The following DARS1 variants were observed in gnomAD, a reference collection of about 807,000 sequenced individuals.
The protein encoded by DARS1 is aspartyl-tRNA synthetase 1.
Under a neutral mutation model 68.8 loss-of-function variants are expected in DARS1, and 51 were observed. The ratio of observed to expected loss-of-function variants is 0.74; its 90% confidence interval spans 0.59 to 0.94. The LOEUF is 0.94. Among genes scored for constraint, DARS1 ranks in the 40% least tolerant of loss-of-function variants. The pLI, the probability that DARS1 is intolerant of heterozygous loss-of-function variation, is 0.00. For synonymous variants in DARS1, 203 were observed against 190.4 expected, an observed-to-expected ratio of 1.07 and a Z score of -0.55; for missense variants, 607 against 597.3, an observed-to-expected ratio of 1.02 and a Z score of -0.17.
rs2104792671 is a variant in DARS1, at chr2:135,911,422, A to C, written c.1302T>G (p.Asp434Glu). 5.7e-6 allele frequency: 6 copies of C among 1,059,236 alleles called. No individual in the cohort carries two copies. Among genetic ancestry groups the C allele is most frequent in the Non-Finnish European group, 8.9e-6 (6 of 672,428 alleles). 65.6% of individuals were successfully genotyped at this position (1,059,236 alleles called of 1,614,324 possible). Residue 434 changes from aspartate to glutamate, a missense_variant, in exon 14 of 16, where the codon GAT (aspartate) becomes GAG (glutamate). Asp to Glu is a conservative substitution (Grantham distance 45, BLOSUM62 2). Coordinates refer to ENST00000264161, the MANE Select transcript of DARS1 (RefSeq NM_001349.4). The part of the protein sequence containing the change: ...EILSGAQRIH[D>E]PQLLTERALH... The stretch of plus-strand genomic sequence containing the variant: ...AAGCTCTCTCTGTTAGCAGTTGAGG[A>C]TCATGTATTCTTTGAGCTCCTGACA...
chr2:135,955,238 C>G (rs1681946364), intron 4 of DARS1, among the ~76,000 whole-genome samples: 1 of 150,558 alleles, frequency 6.6e-6, no homozygotes, highest in African/African-American at 2.4e-5. Context: ...TCAACAAAAA[C>G]TACTAAAATT....
At chr2:135,931,215 T>G (rs183462248) in intron 7 of DARS1, among the ~76,000 whole-genome samples, 152 of 152,256 alleles carry the variant, frequency 1.0e-3, no homozygotes, top group African/African-American at 1.9e-3. Context: ...AAAGAGCTAG[T>G]TGGGGACTAA....
intron 2 of DARS1, among the ~76,000 whole-genome samples, chr2:135,982,249 T>A (rs531911635): frequency 6.6e-6 from 1 of 152,160 alleles, no homozygotes; most frequent in East Asian, 1.9e-4. Flanking sequence ...CAAACATTTA[T>A]AAATAAAAAA....
intron 3 of DARS1, 81 bp downstream of exon 3, chr2:135,979,193 T>C: frequency 1.3e-6 from 1 of 752,616 alleles, no homozygotes; most frequent in Non-Finnish European, 2.3e-6. Context: ...TTTAAAGATT[T>C]ACTTTGGTCT....
intron 12 of DARS1, 145 bp from the exon 13 acceptor site, chr2:135,912,711 G>A (rs1680922131): frequency 7.0e-6 from 3 of 430,212 alleles, no homozygotes; most frequent in African/African-American, 4.1e-5. Context: ...GCTTTTTTCA[G>A]TAACATTTTT....
chr2:135,964,651 G>C (rs1335382009), intron 3 of DARS1, among the ~76,000 whole-genome samples: 3 of 152,006 alleles, frequency 2.0e-5, no homozygotes, highest in Non-Finnish European at 1.5e-5. Context: ...GACTAGGTTG[G>C]CCAACGTGGT....
At chr2:135,911,593 T>C in intron 13 of DARS1, 100 bp from the exon 14 acceptor site, 1 of 654,852 alleles carries the variant, frequency 1.5e-6, no homozygotes, top group Non-Finnish European at 2.7e-6. Context: ...AAGTTCATTT[T>C]TTCCTACAAT....
chr2:135,907,514 T>TAACA, intron 15 of DARS1, 107 bp from the exon 16 acceptor site: 1 of 701,170 alleles, frequency 1.4e-6, no homozygotes, highest in Non-Finnish European at 2.3e-6. Flanking sequence ...TTTTCCTTGT[T>TAACA]AGGAAAGAAA....
rs2278681 is a variant in DARS1 at position 135,985,369 on chromosome 2, T to C, written c.66+34A>G. On this transcript the variant is annotated intron_variant, in intron 1 of 15. Transcript: ENST00000264161. ...CTCGGCGCAGCCCGGCCCAGGGGTCTGTCCTCCCAGGCCCAGGAAAGGAGG... is the reference window on the plus strand; with the variant it reads ...CTCGGCGCAGCCCGGCCCAGGGGTCCGTCCTCCCAGGCCCAGGAAAGGAGG... 0.026 allele frequency: 42,355 copies of C among 1,609,920 alleles called. 2,003 individuals are homozygous for C. Among genetic ancestry groups the C allele is most frequent in the South Asian group, 0.14 (12,307 of 90,664 alleles).
intron 5 of DARS1, among the ~76,000 whole-genome samples, chr2:135,936,603 A>T (rs1681477306): frequency 6.6e-6 from 1 of 152,174 alleles, no homozygotes; most frequent in Non-Finnish European, 1.5e-5. Flanking sequence ...TGTTACTTGG[A>T]AGATGTGGGA....
intron 1 of DARS1, among the ~76,000 whole-genome samples, chr2:135,983,933 G>A (rs555304203): frequency 1.3e-5 from 2 of 152,286 alleles, no homozygotes; most frequent in East Asian, 3.9e-4. Context: ...TTAGAAACTG[G>A]AGATGCTGGG....
Position 135,961,474 on chromosome 2 carries a change from C to A in DARS1, c.242G>T (p.Arg81Leu). ...AGCCTGGACATTAAACTGCTGCTGACGTAGGACTAAGAAGCACTGTTTCCC... is the reference window on the plus strand; with the variant it reads ...AGCCTGGACATTAAACTGCTGCTGAAGTAGGACTAAGAAGCACTGTTTCCC... ...AKGKQCFLVL[R>L]QQQFNVQALV... Residue 81 changes from arginine (R) to leucine (L), a missense_variant, in exon 4 of 16, where the codon CGT becomes CTT. By Grantham distance (102) the Arg-to-Leu change is moderately radical (BLOSUM62 -2). Coordinates refer to ENST00000264161, the MANE Select transcript of DARS1 (RefSeq NM_001349.4). 1.3e-6 allele frequency: 2 copies of A among 1,511,568 alleles called. No individual in the cohort carries two copies. Among genetic ancestry groups the A allele is most frequent in the Non-Finnish European group, 1.8e-6 (2 of 1,086,282 alleles). 93.6% of individuals were successfully genotyped at this position (1,511,568 alleles called of 1,614,324 possible). A position where few individuals can be genotyped will look rare whatever the true frequency, so the allele number is the denominator to read the frequency against.
rs540701118 is a variant in DARS1 at position 135,925,083 on chromosome 2, C to T, written c.565-585G>A. ...AAACAATAGTAGCGCTCCAACTGTG[C>T]AGCACAGTTGCCTGTTCTTTCTATT... On this transcript the variant is annotated intron_variant, in intron 7 of 15. Transcript: ENST00000264161. Among the ~76,000 whole-genome samples the T allele has an allele frequency of 2.6e-5, 4 of 152,212 alleles. No individual in the cohort carries two copies. In the South Asian group the frequency reaches 8.3e-4, roughly 32 times the overall value.
intron 5 of DARS1, among the ~76,000 whole-genome samples, chr2:135,939,497 C>T (rs1681546879): frequency 6.6e-6 from 1 of 152,152 alleles, no homozygotes; most frequent in African/African-American, 2.4e-5. Context: ...ATCTCTGGGA[C>T]ACATTTAAAG....
intron 4 of DARS1, among the ~76,000 whole-genome samples, chr2:135,950,104 T>G (rs1681809634): frequency 6.6e-6 from 1 of 152,190 alleles, no homozygotes; most frequent in Admixed American, 6.5e-5. Context: ...CCAGAGGGAA[T>G]AGAGTTAAAT....
At chr2:135,949,260 T>C (rs986113392) in intron 4 of DARS1, among the ~76,000 whole-genome samples, 15 of 152,124 alleles carry the variant, frequency 9.9e-5, no homozygotes, top group African/African-American at 3.6e-4. Flanking sequence ...GTGGGCACTG[T>C]AACTTTAAAC....
intron 3 of DARS1, among the ~76,000 whole-genome samples, chr2:135,963,211 C>G (rs182277332): frequency 6.6e-6 from 1 of 152,292 alleles, no homozygotes; most frequent in African/African-American, 2.4e-5. Context: ...CTATCACTTC[C>G]TATGAAGGGG....
At chr2:135,909,614 C>G (rs528822186) in intron 15 of DARS1, among the ~76,000 whole-genome samples, 7 of 152,242 alleles carry the variant, frequency 4.6e-5, no homozygotes, top group Admixed American at 2.0e-4. Flanking sequence ...AACCATTCTA[C>G]TCTTTGTCTA....
intron 4 of DARS1, 128 bp from the exon 5 acceptor site, chr2:135,943,608 C>T: frequency 7.1e-7 from 1 of 1,407,296 alleles, no homozygotes; most frequent in Non-Finnish European, 9.4e-7. Flanking sequence ...GAGATAAAGC[C>T]AGTCTATTTA....
Sources: gnomAD v4.1 joint callset for allele counts (sites outside exome capture counted in the v4.1 genomes callset) on GRCh38, gnomAD v4.1.1 for gene constraint, MANE v1.5 for transcripts, NCBI Gene and HGNC (gene_info 2026-07-23, HGNC 2026-07-21) for gene names.